Variants in MPHOSPH8 observed in about 807,000 individuals in gnomAD.
MPHOSPH8 encodes M-phase phosphoprotein 8.
Under a neutral mutation model 87.3 loss-of-function variants are expected in MPHOSPH8, and 45 were observed. That is an observed-to-expected ratio of 0.52 (90% CI 0.41 to 0.66). MPHOSPH8 has a LOEUF of 0.66. Among genes scored for constraint, MPHOSPH8 ranks in the 30% least tolerant of loss-of-function variants. The pLI is 0.00. For missense variants in MPHOSPH8, 883 were observed against 1,020.2 expected, an observed-to-expected ratio of 0.87 and a Z score of 1.83; for synonymous variants, 366 against 376.9, an observed-to-expected ratio of 0.97 and a Z score of 0.33.
Position 19,646,474 on chromosome 13 carries a change from C to T in MPHOSPH8, c.401C>T (p.Ala134Val), listed in dbSNP as rs149912855. The part of the protein sequence containing the change: ...RLSLNNDIFE[A>V]NSDSDQQSET... ...TCCTTAAATAACGACATATTTGAGG[C>T]GAACTCTGATAGCGATCAGCAAAGT... Residue 134 changes from alanine (A) to valine (V), a missense_variant, in exon 3 of 14, where the codon GCG becomes GTG. Ala to Val is a moderately conservative substitution (Grantham distance 64). Around this residue, in one of 3 missense-constraint regions of MPHOSPH8, gnomAD observed 39 missense variants for 82.4 expected, o/e 0.47. Coordinates refer to ENST00000361479, the MANE Select transcript of MPHOSPH8 (RefSeq NM_017520.4). The T allele has an allele frequency of 1.5e-4, 232 of 1,525,016 alleles. No individual in the cohort carries two copies. The highest frequency in any genetic ancestry group is 1.9e-4 in the Non-Finnish European group (219 of 1,145,972). The allele number at this position is 1,525,016 out of a possible 1,614,324, so 94.5% of individuals were successfully genotyped here. A position where few individuals can be genotyped will look rare whatever the true frequency, so the allele number is the denominator to read the frequency against.
chr13:19,655,576 G>T (rs1875115378), intron 5 of MPHOSPH8, among the ~76,000 whole-genome samples: 1 of 152,076 alleles, frequency 6.6e-6, no homozygotes, highest in Non-Finnish European at 1.5e-5. Context: ...ATAGAGATGG[G>T]TTTCACCATG....
At chr13:19,634,812 T>A (rs545189023) in intron 1 of MPHOSPH8, among the ~76,000 whole-genome samples, 1 of 152,348 alleles carries the variant, frequency 6.6e-6, no homozygotes, top group South Asian at 2.1e-4. Flanking sequence ...ACAATCTGTT[T>A]CAGTAGATGG....
chr13:19,661,320 A>T lies in MPHOSPH8; in HGVS notation c.1792-378A>T, dbSNP rs555854308. On this transcript the variant is annotated intron_variant, in intron 7 of 13. Coordinates refer to ENST00000361479, the MANE Select transcript of MPHOSPH8 (RefSeq NM_017520.4). ...AATTTACAACACTTTATTGCTAAAA[A>T]ATGCTGACACAACAACACAAAATGA... 7.9e-5 allele frequency among the ~76,000 whole-genome samples: 12 copies of T among 152,360 alleles called. No homozygotes were observed. The East Asian group carries it at 2.1e-3, about 27-fold the overall frequency.
At chr13:19,660,930 T>A (rs1593485847) in intron 7 of MPHOSPH8, 1 of 985,138 alleles carries the variant, frequency 1.0e-6, no homozygotes, top group Non-Finnish European at 1.2e-6. Context: ...ACTTTTCATG[T>A]GCCTTTAGGA....
intron 11 of MPHOSPH8, 75 bp from the exon 12 acceptor site, chr13:19,670,161 C>T: frequency 6.4e-7 from 1 of 1,568,440 alleles, no homozygotes; most frequent in Non-Finnish European, 8.7e-7. Flanking sequence ...GGGCCTGCTT[C>T]CATCTGGTGT....
chr13:19,669,810 A>C (rs1438488463), intron 11 of MPHOSPH8, among the ~76,000 whole-genome samples: 1 of 152,116 alleles, frequency 6.6e-6, no homozygotes, highest in African/African-American at 2.4e-5. Context: ...ATGCCTGGCC[A>C]ATTTTTGGTT....
intron 1 of MPHOSPH8, among the ~76,000 whole-genome samples, chr13:19,636,337 A>G (rs1350473783): frequency 6.6e-6 from 1 of 152,100 alleles, no homozygotes; most frequent in Non-Finnish European, 1.5e-5. Context: ...ACTAATTAAT[A>G]ATATTTCTTG....
rs778798006 is a variant in MPHOSPH8 at position 19,661,820 on chromosome 13, C to G, written c.1914C>G (p.Leu638=). The G allele has an allele frequency of 1.2e-6, 2 of 1,611,442 alleles. No individual in the cohort carries two copies. Among genetic ancestry groups the G allele is most frequent in the East Asian group, 4.5e-5 (2 of 44,690 alleles). The change falls in exon 8 of 14, where the codon CTC becomes CTG. Residue 638 remains leucine, a synonymous_variant. Coordinates refer to ENST00000361479, the MANE Select transcript of MPHOSPH8 (RefSeq NM_017520.4). ...GGCAGAAGAACGGGACCACCGCCCTCATTCATGCTGCAGAGAAGGTTTGTG... is the reference window on the plus strand; with the variant it reads ...GGCAGAAGAACGGGACCACCGCCCTGATTCATGCTGCAGAGAAGGTTTGTG... ...NGRQKNGTTA[L]IHAAEKNFLT...
chr13:19,651,562 G>A (rs1333331949), intron 5 of MPHOSPH8, among the ~76,000 whole-genome samples: 16 of 151,918 alleles, frequency 1.1e-4, no homozygotes. Flanking sequence ...TAGGCATGGT[G>A]GCATGTGCCT....
At chr13:19,655,105 A>C (rs2137525037) in intron 5 of MPHOSPH8, among the ~76,000 whole-genome samples, 1 of 152,352 alleles carries the variant, frequency 6.6e-6, no homozygotes, top group Non-Finnish European at 1.5e-5. Context: ...AAATTGATTT[A>C]ATAGCATTCT....
At chr13:19,634,580 T>G (rs373437877) in intron 1 of MPHOSPH8, among the ~76,000 whole-genome samples, 3 of 152,334 alleles carry the variant, frequency 2.0e-5, no homozygotes, top group African/African-American at 7.2e-5. Flanking sequence ...CCTCTTCTTC[T>G]GGTGAAATCT....
At chr13:19,658,577 GGATAGCTCACATGCTGA>G (rs1395871642) in intron 5 of MPHOSPH8, among the ~76,000 whole-genome samples, 1 of 152,282 alleles carries the variant, frequency 6.6e-6, no homozygotes, top group African/African-American at 2.4e-5. Flanking sequence ...TCACATGCTG[GGATAGCTCACATGCTGA>G]GAATGGCTTT....
rs1875936089 is a variant in MPHOSPH8, at chr13:19,668,407, G to A, written c.2205G>A (p.Lys735=). The part of the protein sequence containing the change: ...TLSRVAEETI[K]DYFEARLALL... ...CAAGAGTAGCAGAAGAGACAATAAAGGATTACTTTGAAGCTCGCCTTGCTC... is the reference window on the plus strand; with the variant it reads ...CAAGAGTAGCAGAAGAGACAATAAAAGATTACTTTGAAGCTCGCCTTGCTC... The change falls in exon 11 of 14, where the codon AAG becomes AAA. Residue 735 remains lysine (K), a synonymous_variant. Transcript: ENST00000361479. The A allele has an allele frequency of 1.9e-6, 3 of 1,613,882 alleles. No individual in the cohort carries two copies. In the Admixed American group the frequency reaches 5.0e-5, roughly 27 times the overall value.
intron 9 of MPHOSPH8, among the ~76,000 whole-genome samples, chr13:19,665,188 G>T (rs1875747477): frequency 1.3e-5 from 2 of 152,070 alleles, no homozygotes; most frequent in East Asian, 1.9e-4. Context: ...ATTTTACTGG[G>T]TCTGAATTCA....
At position 19,646,862 on chromosome 13, in the gene MPHOSPH8, A is replaced by C; in HGVS notation, c.789A>C (p.Glu263Asp). The C allele has an allele frequency of 6.2e-7, 1 of 1,606,258 alleles. No homozygotes were observed. The highest frequency in any genetic ancestry group is 1.1e-5 in the South Asian group (1 of 88,486). ...AAAAATTTGTCGAATCCCAGGTGGA[A>C]TCTGAATCAAGTGTACTTAATGATT... is the stretch of plus-strand genomic sequence containing the variant. ...KKEKFVESQV[E>D]SESSVLNDSP... The change falls in exon 3 of 14, where the codon GAA (glutamate) becomes GAC (aspartate). Residue 263 changes from glutamate (E) to aspartate (D), a missense_variant. Coordinates refer to ENST00000361479, the MANE Select transcript of MPHOSPH8 (RefSeq NM_017520.4).
chr13:19,651,641 C>G (rs1002917377), intron 5 of MPHOSPH8, among the ~76,000 whole-genome samples: 1 of 151,852 alleles, frequency 6.6e-6, no homozygotes, highest in Non-Finnish European at 1.5e-5. Flanking sequence ...CTATATTATG[C>G]TAAGATTGTA....
chr13:19,668,135 G>A (rs953743125), intron 10 of MPHOSPH8, among the ~76,000 whole-genome samples: 2 of 152,214 alleles, frequency 1.3e-5, no homozygotes, highest in African/African-American at 4.8e-5. Context: ...TAAAGGCTGG[G>A]GAGATGGAAA....
At chr13:19,643,128 G>C (rs1420015258) in intron 2 of MPHOSPH8, among the ~76,000 whole-genome samples, 1 of 152,146 alleles carries the variant, frequency 6.6e-6, no homozygotes, top group Non-Finnish European at 1.5e-5. Flanking sequence ...AGTAAACATG[G>C]AGTGTCTCAT....
intron 5 of MPHOSPH8, among the ~76,000 whole-genome samples, chr13:19,653,624 C>T (rs532897761): frequency 1.3e-5 from 2 of 152,248 alleles, no homozygotes; most frequent in Non-Finnish European, 2.9e-5. Context: ...GCTAAAAGAG[C>T]ATGTTCTAAC....
Sources: gnomAD v4.1 joint callset for allele counts (sites outside exome capture counted in the v4.1 genomes callset) on GRCh38, gnomAD v4.1.1 for gene constraint, gnomAD v4.1.1 regional missense constraint, MANE v1.5 for transcripts, NCBI Gene and HGNC (gene_info 2026-07-23, HGNC 2026-07-21) for gene names.